Variants in MACROD1 observed in about 807,000 individuals in gnomAD.
MACROD1 encodes the protein mono-ADP ribosylhydrolase 1.
MACROD1 carries 31 observed loss-of-function variants against 41.4 expected under a neutral mutation model. The observed-to-expected ratio is 0.75, with a 90% CI of 0.56 to 1.01. The LOEUF is 1.01. MACROD1 is among the 50% of genes least tolerant of loss of function. The probability of loss-of-function intolerance (pLI) is 0.00; values close to 1 mark genes in which losing one functional copy is unlikely to be tolerated. For synonymous variants in MACROD1, 252 were observed against 203.4 expected, an observed-to-expected ratio of 1.24 and a Z score of -2.03; for missense variants, 473 against 460.0, an observed-to-expected ratio of 1.03 and a Z score of -0.26.
chr11:64,089,099 C>T (rs1944445107), intron 3 of MACROD1, among the ~76,000 whole-genome samples: 1 of 152,214 alleles, frequency 6.6e-6, no homozygotes, highest in South Asian at 2.1e-4. Context: ...TGTGGCTCCT[C>T]TGTGAACCCA....
At chr11:64,015,788 C>A (rs1474167590) in intron 3 of MACROD1, among the ~76,000 whole-genome samples, 1 of 151,416 alleles carries the variant, frequency 6.6e-6, no homozygotes, top group African/African-American at 2.4e-5. Flanking sequence ...AGCTGGAGGA[C>A]TGAGAACGCG....
At chr11:64,084,525 A>G (rs1349029767) in intron 3 of MACROD1, among the ~76,000 whole-genome samples, 1 of 152,214 alleles carries the variant, frequency 6.6e-6, no homozygotes, top group African/African-American at 2.4e-5. Flanking sequence ...GGCTTGGGTC[A>G]TCGCTGCTGC....
chr11:64,056,608 T>A (rs765942342), intron 3 of MACROD1, among the ~76,000 whole-genome samples: 1 of 152,176 alleles, frequency 6.6e-6, no homozygotes, highest in African/African-American at 2.4e-5. Flanking sequence ...TGAGTCCGGA[T>A]GGCAGCAGCC....
intron 3 of MACROD1, among the ~76,000 whole-genome samples, chr11:64,017,682 C>T (rs1005094388): frequency 3.4e-4 from 51 of 152,176 alleles, no homozygotes; most frequent in African/African-American, 1.2e-3. Context: ...CCAGAGCCAG[C>T]GAGGGAGGAG....
chr11:64,103,826 A>C (rs1239704987), intron 3 of MACROD1: 1 of 152,126 alleles, frequency 6.6e-6, no homozygotes, highest in Non-Finnish European at 1.5e-5. Context: ...GTGTCCCTGT[A>C]CCCCTTGCAC....
intron 3 of MACROD1, among the ~76,000 whole-genome samples, chr11:64,091,590 G>C (rs922975413): frequency 6.6e-6 from 1 of 152,038 alleles, no homozygotes; most frequent in Non-Finnish European, 1.5e-5. Flanking sequence ...GCACCTCCTG[G>C]AGTCCTTGCC....
intron 3 of MACROD1, among the ~76,000 whole-genome samples, chr11:64,075,041 G>T (rs944524990): frequency 6.6e-6 from 1 of 152,254 alleles, no homozygotes; most frequent in Non-Finnish European, 1.5e-5. Flanking sequence ...AGCCACCTGT[G>T]TGCGGACAGG....
chr11:63,999,381 C>A lies in MACROD1; in HGVS notation c.841G>T (p.Glu281Ter). The A allele has an allele frequency of 6.3e-7, 1 of 1,591,676 alleles. No homozygotes were observed. Among genetic ancestry groups the A allele is most frequent in the Non-Finnish European group, 8.5e-7 (1 of 1,173,544 alleles). ...TCTCGCAGCGTGGCCAGCACGATCT[C>A]GGCGGCCGCCTCACAGGGGTAGCCT... ...VFGYPCEAAA[E>*]IVLATLREWL... Residue 281 changes from glutamate (E) to a stop codon, truncating the protein, a stop_gained, in exon 8 of 11, where the codon GAG becomes TAG. Transcript: ENST00000255681. LOFTEE classifies it high-confidence loss of function.
intron 3 of MACROD1, among the ~76,000 whole-genome samples, chr11:64,048,232 C>T (rs531759292): frequency 1.9e-4 from 29 of 152,364 alleles, no homozygotes; most frequent in African/African-American, 5.3e-4. Flanking sequence ...GCTCAGCTCC[C>T]GCCGGCAGCT....
intron 3 of MACROD1, among the ~76,000 whole-genome samples, chr11:64,032,494 C>T (rs1278626116): frequency 6.6e-6 from 1 of 152,154 alleles, no homozygotes; most frequent in Admixed American, 6.5e-5. Flanking sequence ...CGGGCAGGGC[C>T]AGGGTGACCT....
At chr11:64,039,014 G>T (rs1428482275) in intron 3 of MACROD1, among the ~76,000 whole-genome samples, 1 of 152,168 alleles carries the variant, frequency 6.6e-6, no homozygotes, top group Non-Finnish European at 1.5e-5. Context: ...TACACCCCTC[G>T]TTCACTGTGG....
chr11:64,068,136 G>A (rs1384578567), intron 3 of MACROD1, among the ~76,000 whole-genome samples: 3 of 152,240 alleles, frequency 2.0e-5, no homozygotes, highest in Admixed American at 1.3e-4. Context: ...GTAAATTAAT[G>A]GCATTAAGAT....
chr11:64,119,937 AC>A (rs1431642213), intron 3 of MACROD1, among the ~76,000 whole-genome samples: 1 of 151,786 alleles, frequency 6.6e-6, no homozygotes, highest in East Asian at 1.9e-4. Context: ...AGCCCGGGTC[AC>A]CATCTGTCAC....
intron 3 of MACROD1, chr11:64,118,062 G>A (rs1945026173): frequency 6.2e-7 from 1 of 1,613,152 alleles, no homozygotes; most frequent in African/African-American, 1.3e-5. Flanking sequence ...GAAAAAGGAT[G>A]ACTATATGGA....
chr11:64,037,480 C>T (rs1050716463), intron 3 of MACROD1, among the ~76,000 whole-genome samples: 1 of 152,198 alleles, frequency 6.6e-6, no homozygotes, highest in Non-Finnish European at 1.5e-5. Flanking sequence ...CTGTTCAGGG[C>T]TTCCTCAGAA....
intron 3 of MACROD1, among the ~76,000 whole-genome samples, chr11:64,126,126 C>G (rs1945176570): frequency 6.6e-6 from 1 of 152,170 alleles, no homozygotes; most frequent in South Asian, 2.1e-4. Flanking sequence ...GACACCCCCA[C>G]AAAACCCCAA....
intron 3 of MACROD1, among the ~76,000 whole-genome samples, chr11:64,124,241 G>A (rs583799): frequency 0.064 from 9,768 of 152,248 alleles, 394 homozygotes; most frequent in Middle Eastern, 0.14. Context: ...GGGGCTGACA[G>A]AGAGCGCCTC....
chr11:64,033,554 T>G (rs1360801224), intron 3 of MACROD1, among the ~76,000 whole-genome samples: 1 of 151,964 alleles, frequency 6.6e-6, no homozygotes, highest in Non-Finnish European at 1.5e-5. Context: ...TTTTAAATTA[T>G]TTTTTGCCGG....
intron 3 of MACROD1, among the ~76,000 whole-genome samples, chr11:64,074,840 C>T (rs1944173860): frequency 6.6e-6 from 1 of 152,198 alleles, no homozygotes; most frequent in African/African-American, 2.4e-5. Flanking sequence ...CTGTGGCCTG[C>T]CTGGTGAGCT....
Sources: allele counts gnomAD v4.1 joint callset (sites outside exome capture counted in the v4.1 genomes callset), GRCh38; gene constraint gnomAD v4.1.1; transcripts MANE v1.5; gene names NCBI Gene and HGNC (gene_info 2026-07-23, HGNC 2026-07-21).